SLC2A8: variants seen among roughly 807,000 people sequenced by gnomAD.
The protein encoded by SLC2A8 is solute carrier family 2, facilitated glucose transporter member 8.
In SLC2A8, 53 loss-of-function variants were observed where a neutral mutation model predicts 49.2. The observed-to-expected ratio is 1.08, with a 90% confidence interval of 0.86 to 1.35. The LOEUF (loss-of-function observed/expected upper bound fraction) is 1.35, where lower values mean the gene tolerates loss of function less well. Ranked by LOEUF, SLC2A8 falls within the 40% of genes most tolerant of loss-of-function variation. The pLI, the probability that SLC2A8 is intolerant of heterozygous loss-of-function variation, is 0.00. For missense variants in SLC2A8, 688 were observed against 671.7 expected, an observed-to-expected ratio of 1.02 and a Z score of -0.27; for synonymous variants, 299 against 297.0, an observed-to-expected ratio of 1.01 and a Z score of -0.07.
intron 8 of SLC2A8, 137 bp from the exon 9 acceptor site, chr9:127,405,283 G>T: frequency 9.8e-7 from 1 of 1,020,242 alleles, no homozygotes; most frequent in Non-Finnish European, 1.4e-6. Context: ...GGAAAGCATG[G>T]AGCTGGTGGG....
In SLC2A8 at chr9:127,397,404, G is replaced by T. The variant is rs759547084; in HGVS notation, c.85G>T (p.Ala29Ser). Residue 29 changes from alanine (A) to serine (S), a missense_variant, in exon 2 of 10, where the codon GCC becomes TCC. Transcript: ENST00000373371. Reference protein sequence around the residue: ...SAPRGRRVFLAAFAAALGPLS... With the variant: ...SAPRGRRVFLSAFAAALGPLS... ...GCCCCGCGGCCGCCGCGTCTTCCTC[G>T]CCGCCTTCGCCGCTGCCCTGGGCCC... The T allele has an allele frequency of 8.1e-6, 12 of 1,473,682 alleles. No individual in the cohort carries two copies. The South Asian group carries it at 1.2e-4, about 14-fold the overall frequency. The allele number at this position is 1,473,682 out of a possible 1,614,324, so 91.3% of individuals were successfully genotyped here. A position where few individuals can be genotyped will look rare whatever the true frequency, so the allele number is the denominator to read the frequency against.
chr9:127,397,847 G>A, intron 2 of SLC2A8, 58 bp from the exon 3 acceptor site: 1 of 1,412,026 alleles, frequency 7.1e-7, no homozygotes, highest in Non-Finnish European at 9.3e-7. Context: ...GGAGTGGGTG[G>A]AGGGGGAGGA....
In SLC2A8 at chr9:127,403,821, G is replaced by A; in HGVS notation, c.867+18G>A. ...AGTTCAAGGTAAAAGGGCCCTGCCT[G>A]GCCTGCCTCGTCCAGCCCCCACATA... On this transcript the variant is annotated intron_variant, in intron 6 of 9. Coordinates refer to ENST00000373371, the MANE Select transcript of SLC2A8 (RefSeq NM_014580.5). 6.2e-7 allele frequency: 1 copy of A among 1,610,074 alleles called. No homozygotes were observed.
intron 4 of SLC2A8, among the ~76,000 whole-genome samples, chr9:127,401,362 G>T (rs965237840): frequency 6.6e-6 from 1 of 152,218 alleles, no homozygotes; most frequent in African/African-American, 2.4e-5. Flanking sequence ...AGGAGGCCTC[G>T]GGGGCCTGAC....
At position 127,397,301 on chromosome 9, in the gene SLC2A8, A is replaced by C. The variant is rs2131867778; in HGVS notation, c.56+15A>C. The C allele has an allele frequency of 7.2e-7, 1 of 1,381,830 alleles. No homozygotes were observed. The highest frequency in any genetic ancestry group is 9.3e-7 in the Non-Finnish European group (1 of 1,078,162). 85.6% of individuals were successfully genotyped at this position (1,381,830 alleles called of 1,614,324 possible). ...CCTGGCGGCAGGTGAGCTCCGGGGA[A>C]CCCGGGCCCGGATGCGGCCTCGCCC... On this transcript the variant is annotated intron_variant, in intron 1 of 9. Coordinates refer to ENST00000373371, the MANE Select transcript of SLC2A8 (RefSeq NM_014580.5).
At chr9:127,407,011 G>A (rs1479083920) in intron 9 of SLC2A8, 101 bp from the exon 10 acceptor site, 6 of 1,367,694 alleles carry the variant, frequency 4.4e-6, no homozygotes, top group Non-Finnish European at 6.1e-6. Context: ...GCAGGCTGGG[G>A]TCAGGGGACT....
intron 4 of SLC2A8, among the ~76,000 whole-genome samples, chr9:127,402,015 T>C (rs761960833): frequency 6.6e-6 from 1 of 152,232 alleles, no homozygotes; most frequent in Non-Finnish European, 1.5e-5. Flanking sequence ...AGCAAAATCC[T>C]CTCACCTCTC....
chr9:127,400,229 C>T (rs968229853), intron 4 of SLC2A8, among the ~76,000 whole-genome samples: 4 of 144,594 alleles, frequency 2.8e-5, no homozygotes, highest in African/African-American at 1.0e-4. Flanking sequence ...GCAGTGGTGG[C>T]TCTCTGCAAC....
At chr9:127,398,374 AG>A in intron 3 of SLC2A8, 1 of 762,038 alleles carries the variant, frequency 1.3e-6, no homozygotes, top group Non-Finnish European at 2.5e-6. Context: ...AGCTAGTCAG[AG>A]GGGAAGCAGT....
At chr9:127,407,054 C>A in intron 9 of SLC2A8, 58 bp from the exon 10 acceptor site, 1 of 1,594,988 alleles carries the variant, frequency 6.3e-7, no homozygotes, top group Middle Eastern at 2.2e-4. Context: ...TCTCAGTGAT[C>A]GCGTGGGGCT....
chr9:127,405,970 C>T (rs929535974), intron 9 of SLC2A8: 8 of 528,108 alleles, frequency 1.5e-5, no homozygotes, highest in Middle Eastern at 3.1e-4. Flanking sequence ...TTGGCTGAAA[C>T]TGGAGGAGAG....
chr9:127,398,763 G>A (rs563654316), intron 3 of SLC2A8, among the ~76,000 whole-genome samples: 1 of 152,352 alleles, frequency 6.6e-6, no homozygotes, highest in South Asian at 2.1e-4. Context: ...TAGCCCCTGA[G>A]GTAGTGGTCA....
rs1588057457 is a variant in SLC2A8 at position 127,407,521 on chromosome 9, G to A, written c.*272G>A. The A allele has an allele frequency of 2.8e-5, 16 of 566,422 alleles. No homozygotes were observed. The East Asian group carries it at 4.1e-4, about 14-fold the overall frequency. The allele number at this position is 566,422 out of a possible 1,614,324, so 35.1% of individuals were successfully genotyped here. A position where few individuals can be genotyped will look rare whatever the true frequency, so the allele number is the denominator to read the frequency against. ...CCTCCATGCGCAAGACTAAAGCAGC[G>A]GAAGAGGAGGTGGGCCTCTAGGATC... On this transcript the variant is annotated 3_prime_UTR_variant, in exon 10 of 10. Transcript: ENST00000373371.
Position 127,403,353 on chromosome 9 carries a change from C to T in SLC2A8, c.724-307C>T, listed in dbSNP as rs1833364235. 9 of 443,252 alleles carry T rather than the reference C, an allele frequency of 2.0e-5. No homozygotes were observed. In the South Asian group the frequency reaches 2.5e-4, roughly 12 times the overall value. 27.5% of individuals were successfully genotyped at this position (443,252 alleles called of 1,614,324 possible). ...TGCTTAGCTAGGGCCAGGCCCAGAC[C>T]TGAGGCAGGTGCTGGATGTGTTGGT... is the stretch of plus-strand genomic sequence containing the variant. On this transcript the variant is annotated intron_variant, in intron 5 of 9. Transcript: ENST00000373371.
chr9:127,405,883 G>T, intron 9 of SLC2A8: 4 of 549,132 alleles, frequency 7.3e-6, no homozygotes, highest in South Asian at 4.8e-5. Flanking sequence ...TGACAGGGCT[G>T]GGCTGCAGCC....
At chr9:127,400,073 G>T (rs1027794497) in intron 4 of SLC2A8, 67 bp downstream of exon 4, 2 of 1,343,886 alleles carry the variant, frequency 1.5e-6, no homozygotes, top group Non-Finnish European at 2.1e-6. Context: ...TGTGTAAACA[G>T]AGGTTCAGTG....
intron 3 of SLC2A8, chr9:127,398,422 C>T: frequency 1.4e-6 from 1 of 703,188 alleles, no homozygotes; most frequent in Non-Finnish European, 2.7e-6. Context: ...AGCCGTGCCC[C>T]TCTTTTGCTC....
chr9:127,403,958 G>C lies in SLC2A8; in HGVS notation c.868-1G>C. The C allele has an allele frequency of 6.2e-7, 1 of 1,611,132 alleles. No individual in the cohort carries two copies. The highest frequency in any genetic ancestry group is 8.5e-7 in the Non-Finnish European group (1 of 1,178,558). Reference sequence around the variant, plus strand: ...ACCTGCCTGGGCTCTGTCTCCCCCAGGACAGCAGCCTGGCCTCGGTCGTCG... The same window carrying C: ...ACCTGCCTGGGCTCTGTCTCCCCCACGACAGCAGCCTGGCCTCGGTCGTCG... On this transcript the variant is annotated splice_acceptor_variant, in intron 6 of 9. Transcript: ENST00000373371. LOFTEE classifies it high-confidence loss of function.
Position 127,405,447 on chromosome 9 carries a change from C to T in SLC2A8, c.1178C>T (p.Pro393Leu), listed in dbSNP as rs764679834. The change falls in exon 9 of 10, where the codon CCC becomes CTC. Residue 393 changes from proline to leucine, a missense_variant. Transcript: ENST00000373371. ...AGFAVGWGPI[P>L]WLLMSEIFPL... ...TTTGCGGTGGGCTGGGGGCCCATCC[C>T]CTGGCTCCTCATGTCAGAGATCTTC... 1 of 1,612,866 alleles carries T rather than the reference C, an allele frequency of 6.2e-7. No individual in the cohort carries two copies.
Sources: allele counts gnomAD v4.1 joint callset (sites outside exome capture counted in the v4.1 genomes callset), GRCh38; gene constraint gnomAD v4.1.1; transcripts MANE v1.5; gene names NCBI Gene and HGNC (gene_info 2026-07-23, HGNC 2026-07-21).